QRICH1: variants seen among roughly 807,000 people sequenced by gnomAD.
The protein encoded by QRICH1 is glutamine rich 1.
In QRICH1, 16 loss-of-function variants were observed where a neutral mutation model predicts 87.1. That is an observed-to-expected ratio of 0.18 (90% CI 0.12 to 0.28). The LOEUF (loss-of-function observed/expected upper bound fraction) is 0.28, where lower values mean the gene tolerates loss of function less well. QRICH1 is among the 10% of genes least tolerant of loss of function. The pLI is 1.00. For synonymous variants in QRICH1, 367 were observed against 368.4 expected (o/e 1.00, Z 0.05); for missense variants, 647 against 951.7 (o/e 0.68, Z 4.21).
At chr3:49,068,357 T>A (rs886613788) in intron 2 of QRICH1, among the ~76,000 whole-genome samples, 1 of 151,700 alleles carries the variant, frequency 6.6e-6, no homozygotes, top group East Asian at 1.9e-4. Flanking sequence ...CTCAGGAGGC[T>A]GAGGTGGGAG....
At chr3:49,090,252 G>A (rs1019356809) in intron 1 of QRICH1, among the ~76,000 whole-genome samples, 2 of 152,216 alleles carry the variant, frequency 1.3e-5, no homozygotes, top group African/African-American at 4.8e-5. Flanking sequence ...GAGGTCAGGA[G>A]ATCAAGACCA....
chr3:49,042,811 G>C (rs541364478), intron 6 of QRICH1, among the ~76,000 whole-genome samples: 38 of 152,042 alleles, frequency 2.5e-4, no homozygotes, highest in Admixed American at 4.6e-4. Flanking sequence ...AATATTCAGT[G>C]ATCAGCCCAT....
intron 2 of QRICH1, among the ~76,000 whole-genome samples, chr3:49,061,530 G>A (rs755437002): frequency 2.0e-5 from 3 of 152,140 alleles, no homozygotes; most frequent in Admixed American, 6.6e-5. Flanking sequence ...CTAACCACAA[G>A]TAGGAATTAG....
intron 1 of QRICH1, among the ~76,000 whole-genome samples, chr3:49,084,972 C>T (rs986700618): frequency 2.0e-5 from 3 of 151,118 alleles, no homozygotes; most frequent in African/African-American, 7.3e-5. Flanking sequence ...GAAACCCCGT[C>T]TCTACTAAAA....
chr3:49,049,672 AT>A (rs1321827738), intron 3 of QRICH1, among the ~76,000 whole-genome samples: 1 of 151,274 alleles, frequency 6.6e-6, no homozygotes, highest in African/African-American at 2.4e-5. Context: ...TAATTTTTGT[AT>A]TTTTAGTAGA....
chr3:49,061,134 T>TA (rs57557768), intron 2 of QRICH1, among the ~76,000 whole-genome samples: 2,029 of 39,724 alleles, frequency 0.051, 85 homozygotes, highest in Non-Finnish European at 0.067. Context: ...GCCTCCATCT[T>TA]AAAAAAAAAA....
intron 2 of QRICH1, among the ~76,000 whole-genome samples, chr3:49,069,123 T>TTTTA (rs2093486119): frequency 6.9e-6 from 1 of 145,196 alleles, no homozygotes; most frequent in African/African-American, 2.6e-5. Context: ...TTTTTTTTTT[T>TTTTA]GAGATAGTCT....
intron 1 of QRICH1, among the ~76,000 whole-genome samples, chr3:49,078,935 T>A (rs1489905313): frequency 2.7e-5 from 4 of 150,792 alleles, no homozygotes; most frequent in African/African-American, 9.8e-5. Flanking sequence ...CAGGTGACCC[T>A]CCCGCCTCGG....
intron 2 of QRICH1, among the ~76,000 whole-genome samples, chr3:49,060,689 C>T (rs951177196): frequency 2.6e-5 from 4 of 152,188 alleles, no homozygotes; most frequent in African/African-American, 7.2e-5. Context: ...AGTACTGGTC[C>T]GTAGGCGAAC....
intron 6 of QRICH1, among the ~76,000 whole-genome samples, chr3:49,038,127 T>C (rs2093286968): frequency 6.6e-6 from 1 of 151,818 alleles, no homozygotes; most frequent in South Asian, 2.1e-4. Context: ...AGTGGCGCGA[T>C]CTCGGCTCAC....
chr3:49,070,501 G>A (rs780767066), intron 2 of QRICH1, among the ~76,000 whole-genome samples: 8 of 152,006 alleles, frequency 5.3e-5, no homozygotes, highest in Non-Finnish European at 7.4e-5. Flanking sequence ...GTGCAGTGGC[G>A]TGATCACAGC....
chr3:49,066,465 CTTTT>C (rs747105949), intron 2 of QRICH1, among the ~76,000 whole-genome samples: 5 of 143,332 alleles, frequency 3.5e-5, no homozygotes, highest in Non-Finnish European at 7.7e-5. Context: ...CTTTACTTTT[CTTTT>C]TTTTTTTTTG....
chr3:49,034,079 T>A (rs931761895), intron 6 of QRICH1, among the ~76,000 whole-genome samples: 1 of 147,208 alleles, frequency 6.8e-6, no homozygotes, highest in African/African-American at 2.5e-5. Flanking sequence ...TTTGGGGGAT[T>A]TTATTATTAT....
intron 1 of QRICH1, among the ~76,000 whole-genome samples, chr3:49,080,882 A>G (rs972401077): frequency 1.3e-5 from 2 of 151,136 alleles, no homozygotes; most frequent in African/African-American, 4.9e-5. Flanking sequence ...AATAAAAAGT[A>G]AAAACAGCTA....
intron 2 of QRICH1, among the ~76,000 whole-genome samples, chr3:49,074,789 T>C (rs1381099897): frequency 6.6e-6 from 1 of 151,152 alleles, no homozygotes; most frequent in African/African-American, 2.4e-5. Flanking sequence ...CCATCCTGGC[T>C]AACATGGTGA....
At chr3:49,046,271 A>G (rs888064837) in intron 5 of QRICH1, among the ~76,000 whole-genome samples, 154 bp downstream of exon 5, 1 of 152,102 alleles carries the variant, frequency 6.6e-6, no homozygotes, top group Non-Finnish European at 1.5e-5. Flanking sequence ...TTAAAAAAAA[A>G]AAAAAAACAA....
At chr3:49,072,041 C>A (rs1018113972) in intron 2 of QRICH1, among the ~76,000 whole-genome samples, 1 of 151,054 alleles carries the variant, frequency 6.6e-6, no homozygotes, top group Non-Finnish European at 1.5e-5. Flanking sequence ...CTTACAAAGA[C>A]AAAACAAGGC....
At chr3:49,077,211 T>C (rs1396430483) in intron 1 of QRICH1, among the ~76,000 whole-genome samples, 173 bp from the exon 2 acceptor site, 1 of 152,174 alleles carries the variant, frequency 6.6e-6, no homozygotes, top group African/African-American at 2.4e-5. Flanking sequence ...GTTTGAAAAT[T>C]ATTTCTATTA....
At chr3:49,047,544 C>T (rs1187356132) in intron 3 of QRICH1, among the ~76,000 whole-genome samples, 1 of 141,530 alleles carries the variant, frequency 7.1e-6, no homozygotes, top group Non-Finnish European at 1.5e-5. Context: ...AGTGCAATGG[C>T]GCAATCTCAG....
Sources: allele counts gnomAD v4.1 joint callset (sites outside exome capture counted in the v4.1 genomes callset), GRCh38; gene constraint gnomAD v4.1.1; transcripts MANE v1.5; gene names NCBI Gene and HGNC (gene_info 2026-07-23, HGNC 2026-07-21).